Variants in CTBP2 observed in about 807,000 individuals in gnomAD.
CTBP2 encodes C-terminal-binding protein 2.
Under a neutral mutation model 80.3 loss-of-function variants are expected in CTBP2, and 30 were observed. The observed-to-expected ratio is 0.37, with a 90% confidence interval of 0.28 to 0.51. CTBP2 has a LOEUF of 0.51. Among genes scored for constraint, CTBP2 ranks in the 20% least tolerant of loss-of-function variants. CTBP2 has a pLI of 0.93. For synonymous variants in CTBP2, 594 were observed against 587.4 expected, an observed-to-expected ratio of 1.01 and a Z score of -0.16; for missense variants, 1,212 against 1,375.3, an observed-to-expected ratio of 0.88 and a Z score of 1.88.
At chr10:125,075,593 T>C (rs1408507124) in intron 2 of CTBP2, among the ~76,000 whole-genome samples, 1 of 152,128 alleles carries the variant, frequency 6.6e-6, no homozygotes, top group Non-Finnish European at 1.5e-5. Flanking sequence ...CAGCACAAAA[T>C]GGACTAAGAC....
intron 1 of CTBP2, among the ~76,000 whole-genome samples, chr10:125,123,351 G>A (rs766468170): frequency 2.6e-5 from 4 of 152,284 alleles, no homozygotes; most frequent in East Asian, 1.9e-4. Context: ...TTCTATCCAC[G>A]TCAATTTCTC....
intron 2 of CTBP2, among the ~76,000 whole-genome samples, chr10:125,071,136 G>A (rs375348922): frequency 1.3e-5 from 2 of 152,192 alleles, no homozygotes; most frequent in Non-Finnish European, 2.9e-5. Context: ...GGGCTGCCAC[G>A]ACCTCGTATC....
intron 2 of CTBP2, among the ~76,000 whole-genome samples, chr10:125,048,094 G>A (rs1961715384): frequency 6.6e-6 from 1 of 152,042 alleles, no homozygotes; most frequent in South Asian, 2.1e-4. Context: ...GTAGGGTCCA[G>A]AATGCTTGTA....
intron 8 of CTBP2, among the ~76,000 whole-genome samples, chr10:124,990,711 A>C (rs1317027618): frequency 7.9e-5 from 12 of 152,218 alleles, no homozygotes; most frequent in Admixed American, 7.2e-4. Context: ...TGATGACCTT[A>C]AGAGGTAGAG....
intron 2 of CTBP2, among the ~76,000 whole-genome samples, chr10:125,092,772 G>A (rs1039401714): frequency 3.9e-5 from 6 of 152,136 alleles, no homozygotes; most frequent in South Asian, 4.1e-4. Context: ...CTTCCAGAAC[G>A]TACCCAATGT....
intron 2 of CTBP2, among the ~76,000 whole-genome samples, chr10:125,077,446 C>T (rs1846438415): frequency 1.3e-5 from 2 of 152,146 alleles, no homozygotes; most frequent in Non-Finnish European, 2.9e-5. Flanking sequence ...AGCAACAGGA[C>T]TGGAGACGGG....
At chr10:125,139,382 A>C (rs1369898573) in intron 1 of CTBP2, among the ~76,000 whole-genome samples, 1 of 151,838 alleles carries the variant, frequency 6.6e-6, no homozygotes, top group Non-Finnish European at 1.5e-5. Flanking sequence ...CTCAAAAAAA[A>C]AAAAAAAAAA....
intron 2 of CTBP2, among the ~76,000 whole-genome samples, chr10:125,044,391 G>A (rs1960706777): frequency 6.6e-6 from 1 of 152,180 alleles, no homozygotes. Flanking sequence ...CCTTGAGAAC[G>A]CCAGCCCACC....
chr10:125,145,158 G>A (rs369284212), intron 1 of CTBP2, among the ~76,000 whole-genome samples: 5 of 152,308 alleles, frequency 3.3e-5, no homozygotes, highest in East Asian at 3.9e-4. Context: ...AACTAGACTC[G>A]AGTGTGTGGG....
intron 2 of CTBP2, among the ~76,000 whole-genome samples, chr10:125,085,712 C>A (rs572792834): frequency 1.3e-5 from 2 of 152,344 alleles, no homozygotes; most frequent in South Asian, 2.1e-4. Context: ...GGGACTCTCG[C>A]AGCTGGGGTG....
chr10:125,116,694 G>C (rs1853369784), intron 1 of CTBP2, among the ~76,000 whole-genome samples: 1 of 152,174 alleles, frequency 6.6e-6, no homozygotes. Context: ...TGTGGGAAGG[G>C]GAGGACTCTC....
intron 2 of CTBP2, among the ~76,000 whole-genome samples, chr10:125,077,163 T>C (rs1846391853): frequency 6.6e-6 from 1 of 152,154 alleles, no homozygotes; most frequent in African/African-American, 2.4e-5. Flanking sequence ...AAAAATGAAA[T>C]GCGTGTCAGG....
At chr10:125,129,433 C>T (rs1458800964) in intron 1 of CTBP2, among the ~76,000 whole-genome samples, 1 of 152,078 alleles carries the variant, frequency 6.6e-6, no homozygotes, top group Non-Finnish European at 1.5e-5. Context: ...TAAGTTTTAC[C>T]TCAAAGAAAA....
intron 2 of CTBP2, among the ~76,000 whole-genome samples, chr10:125,091,760 C>A (rs1848795837): frequency 6.6e-6 from 1 of 152,100 alleles, no homozygotes; most frequent in South Asian, 2.1e-4. Flanking sequence ...CAGAGTGAGA[C>A]CCTGTCTTGG....
intron 1 of CTBP2, among the ~76,000 whole-genome samples, chr10:125,131,195 G>T (rs75979600): frequency 0.072 from 10,925 of 152,280 alleles, 572 homozygotes; most frequent in Middle Eastern, 0.13. Context: ...TCCACTGCGG[G>T]ATTCAGAACG....
At chr10:125,013,013 G>A (rs1341678666) in intron 1 of CTBP2, among the ~76,000 whole-genome samples, 3 of 152,102 alleles carry the variant, frequency 2.0e-5, no homozygotes, top group African/African-American at 4.8e-5. Flanking sequence ...TGCCCACCTC[G>A]CCTCTCCAAG....
chr10:125,093,574 C>G (rs997764133), intron 2 of CTBP2, among the ~76,000 whole-genome samples: 2 of 152,186 alleles, frequency 1.3e-5, no homozygotes, highest in Non-Finnish European at 2.9e-5. Context: ...TATAAATGGC[C>G]TTCCTGCCCA....
intron 2 of CTBP2, among the ~76,000 whole-genome samples, chr10:125,079,744 A>G (rs1846891137): frequency 6.6e-6 from 1 of 152,244 alleles, no homozygotes; most frequent in African/African-American, 2.4e-5. Flanking sequence ...GCTAATTTGA[A>G]TAGAATCAGT....
intron 2 of CTBP2, among the ~76,000 whole-genome samples, chr10:125,095,217 T>C (rs1849369364): frequency 6.6e-6 from 1 of 151,966 alleles, no homozygotes; most frequent in Non-Finnish European, 1.5e-5. Context: ...TTGGAAAAAA[T>C]GAATCCCTAA....
Sources: allele counts gnomAD v4.1 joint callset (sites outside exome capture counted in the v4.1 genomes callset), GRCh38; gene constraint gnomAD v4.1.1; transcripts MANE v1.5; gene names NCBI Gene and HGNC (gene_info 2026-07-23, HGNC 2026-07-21).